ESYT3: variants seen among roughly 807,000 people sequenced by gnomAD.
ESYT3 encodes the protein extended synaptotagmin-3.
Under a neutral mutation model 111.5 loss-of-function variants are expected in ESYT3, and 101 were observed. That is an observed-to-expected ratio of 0.91 (90% CI 0.77 to 1.07). The LOEUF is 1.07. Ranked by LOEUF, ESYT3 falls within the 50% of genes least tolerant of loss-of-function variation. The pLI is 0.00. For synonymous variants in ESYT3, 416 were observed against 446.8 expected (o/e 0.93, Z 0.87); for missense variants, 1,097 against 1,109.4 (o/e 0.99, Z 0.16).
intron 22 of ESYT3, 33 bp downstream of exon 22, chr3:138,476,525 C>T: frequency 6.2e-7 from 1 of 1,605,264 alleles, no homozygotes; most frequent in Non-Finnish European, 8.5e-7. Flanking sequence ...TCACTGTTAT[C>T]CTGCTATTCA....
intron 1 of ESYT3, among the ~76,000 whole-genome samples, chr3:138,448,358 G>A (rs2031698615): frequency 6.6e-6 from 1 of 151,524 alleles, no homozygotes; most frequent in African/African-American, 2.4e-5. Flanking sequence ...AAAACCACGT[G>A]GTACTGGAAC....
chr3:138,471,237 T>G (rs1197116794), intron 17 of ESYT3, among the ~76,000 whole-genome samples: 1 of 152,266 alleles, frequency 6.6e-6, no homozygotes, highest in Non-Finnish European at 1.5e-5. Flanking sequence ...TCCATTCTTC[T>G]TAAATTCCTC....
In ESYT3 at chr3:138,435,078, C is replaced by G. The variant is rs757596638; in HGVS notation, c.280C>G (p.Arg94Gly). The change falls in exon 1 of 23, where the codon CGC (arginine) becomes GGC (glycine). Residue 94 changes from arginine to glycine, a missense_variant. Physicochemically the swap from Arg to Gly is moderately radical, Grantham distance 125. Coordinates refer to ENST00000389567, the MANE Select transcript of ESYT3 (RefSeq NM_031913.5). This position sits in a 1 kb window ranked among gnomAD's most constrained non-coding sequence, Gnocchi z 4.8. ...AAAFEFLDNE[R>G]EFISRELRGQ... ...CGCCTTCGAATTCCTTGACAATGAA[C>G]GCGAGTTCATCAGCCGCGAGCTGCG... 1 of 1,593,460 alleles carries G rather than the reference C, an allele frequency of 6.3e-7. No homozygotes were observed.
intron 1 of ESYT3, among the ~76,000 whole-genome samples, chr3:138,441,023 T>G (rs1262850096): frequency 1.3e-5 from 2 of 152,108 alleles, no homozygotes; most frequent in Non-Finnish European, 1.5e-5. Flanking sequence ...AGTCTGAGGC[T>G]CTGAGAAAGC....
chr3:138,455,090 C>T, intron 2 of ESYT3, 104 bp from the exon 3 acceptor site: 3 of 1,404,092 alleles, frequency 2.1e-6, no homozygotes, highest in African/African-American at 1.4e-5. Context: ...GGAACCCCCA[C>T]CCCAAGACCA....
chr3:138,473,390 A>G, intron 18 of ESYT3, 146 bp from the exon 19 acceptor site: 1 of 739,756 alleles, frequency 1.4e-6, no homozygotes. Flanking sequence ...ATGGAACTGA[A>G]TTCCATCTGA....
At chr3:138,455,732 T>G (rs951125530) in intron 3 of ESYT3, among the ~76,000 whole-genome samples, 23 of 152,340 alleles carry the variant, frequency 1.5e-4, no homozygotes, top group African/African-American at 5.3e-4. Flanking sequence ...CGCCTAGCGC[T>G]TTATATTCTC....
chr3:138,472,416 C>A lies in ESYT3; in HGVS notation c.1794C>A (p.Ala598=). The A allele has an allele frequency of 1.2e-6, 2 of 1,614,122 alleles. No homozygotes were observed. The highest frequency in any genetic ancestry group is 1.7e-6 in the Non-Finnish European group (2 of 1,180,022). The change falls in exon 18 of 23, where the codon GCC becomes GCA. Residue 598 remains alanine, a synonymous_variant. Coordinates refer to ENST00000389567, the MANE Select transcript of ESYT3 (RefSeq NM_031913.5). ...GGAGCCCATACACAGGACCTGAAGC[C>A]CTAAAGAAAGGCCCTCTGCTCATCA... The part of the protein sequence containing the change: ...ELGSPYTGPE[A]LKKGPLLIKK...
At position 138,479,309 on chromosome 3, in the gene ESYT3, C is replaced by T. The variant is rs1376013552; in HGVS notation, c.*2455C>T. 6.6e-6 allele frequency: 1 copy of T among 152,090 alleles called. No individual in the cohort carries two copies. The highest frequency in any genetic ancestry group is 1.5e-5 in the Non-Finnish European group (1 of 68,016). 9.4% of individuals were successfully genotyped at this position (152,090 alleles called of 1,614,324 possible). ...ATAACCAAAGATTTTTGCAAGGGTT[C>T]AGAAACATAGTAGAACTAAAATGTT... On this transcript the variant is annotated 3_prime_UTR_variant, in exon 23 of 23. Coordinates refer to ENST00000389567, the MANE Select transcript of ESYT3 (RefSeq NM_031913.5).
At chr3:138,468,053 C>T in intron 11 of ESYT3, 52 bp from the exon 12 acceptor site, 1 of 1,543,442 alleles carries the variant, frequency 6.5e-7, no homozygotes, top group African/African-American at 1.4e-5. Flanking sequence ...CAGAGAGCAT[C>T]AGTAGCATCT....
chr3:138,474,389 C>T, intron 20 of ESYT3, 37 bp downstream of exon 20: 1 of 1,543,546 alleles, frequency 6.5e-7, no homozygotes, highest in East Asian at 2.3e-5. Context: ...GTGCCTCACC[C>T]ATTCAAGTAT....
At position 138,435,047 on chromosome 3, in the gene ESYT3, G is replaced by GGCC; in HGVS notation, c.256_258dup (p.Ala86dup). ...ACCGCCGCGGGAAGCTTGGGCGCCT[G>GGCC]GCCGCCGCCTTCGAATTCCTTGACA... On this transcript the variant is annotated inframe_insertion, in exon 1 of 23. Coordinates refer to ENST00000389567, the MANE Select transcript of ESYT3 (RefSeq NM_031913.5). The surrounding 1 kb of genome is among the most constrained non-coding windows in gnomAD (Gnocchi z 4.8). The GGCC allele has an allele frequency of 6.3e-7, 1 of 1,588,892 alleles. No individual in the cohort carries two copies. The highest frequency in any genetic ancestry group is 8.6e-7 in the Non-Finnish European group (1 of 1,169,412).
At chr3:138,443,722 C>G (rs1185941619) in intron 1 of ESYT3, among the ~76,000 whole-genome samples, 1 of 109,872 alleles carries the variant, frequency 9.1e-6, no homozygotes, top group Non-Finnish European at 1.8e-5. Flanking sequence ...GTCCACACAT[C>G]TGTGTTTGTG....
intron 1 of ESYT3, among the ~76,000 whole-genome samples, chr3:138,441,274 T>G (rs1199292221): frequency 6.6e-6 from 1 of 152,218 alleles, no homozygotes; most frequent in Non-Finnish European, 1.5e-5. Context: ...TGAATCTTTC[T>G]GGGCCAGGAG....
At chr3:138,464,550 C>T in intron 9 of ESYT3, 35 bp downstream of exon 9, 1 of 1,610,722 alleles carries the variant, frequency 6.2e-7, no homozygotes, top group Non-Finnish European at 8.5e-7. Flanking sequence ...AGCCTTCACT[C>T]TGAGTCATGC....
At chr3:138,448,827 C>T (rs985056946) in intron 1 of ESYT3, among the ~76,000 whole-genome samples, 4 of 152,192 alleles carry the variant, frequency 2.6e-5, no homozygotes, top group African/African-American at 7.2e-5. Flanking sequence ...TCTTGCACCT[C>T]GGCTCACTGG....
chr3:138,450,251 G>A (rs1411462199), intron 1 of ESYT3, among the ~76,000 whole-genome samples: 2 of 152,230 alleles, frequency 1.3e-5, no homozygotes, highest in Non-Finnish European at 2.9e-5. Context: ...AGGCCCATGT[G>A]CAGTAATTTC....
At chr3:138,476,789 C>T (rs201068164) in intron 22 of ESYT3, 29 bp from the exon 23 acceptor site, 850 of 1,611,116 alleles carry the variant, frequency 5.3e-4, no homozygotes, top group Non-Finnish European at 6.9e-4. Flanking sequence ...TCATTACTAA[C>T]GTTAAGTCCA....
intron 1 of ESYT3, among the ~76,000 whole-genome samples, chr3:138,446,263 TAGG>T (rs1398876713): frequency 1.3e-5 from 2 of 152,158 alleles, no homozygotes; most frequent in African/African-American, 2.4e-5. Flanking sequence ...GAGGTTTTCT[TAGG>T]AGGAGTAGTG....
Sources: gnomAD v4.1 joint callset for allele counts (sites outside exome capture counted in the v4.1 genomes callset) on GRCh38, gnomAD v4.1.1 for gene constraint, Gnocchi (gnomAD v3.1) non-coding constraint, MANE v1.5 for transcripts, NCBI Gene and HGNC (gene_info 2026-07-23, HGNC 2026-07-21) for gene names.